MIGA1: variants seen among roughly 807,000 people sequenced by gnomAD.
The protein encoded by MIGA1 is mitoguardin 1, also known as family with sequence similarity 73, member A.
MIGA1 carries 58 observed loss-of-function variants against 82.0 expected under a neutral mutation model. That is an observed-to-expected ratio of 0.71 (90% CI 0.57 to 0.88). The LOEUF (loss-of-function observed/expected upper bound fraction) is 0.88. Among genes scored for constraint, MIGA1 ranks in the 40% least tolerant of loss-of-function variants. MIGA1 has a pLI of 0.00. For synonymous variants in MIGA1, 249 were observed against 253.6 expected, an observed-to-expected ratio of 0.98 and a Z score of 0.17; for missense variants, 751 against 749.1, an observed-to-expected ratio of 1.00 and a Z score of -0.03.
intron 14 of MIGA1, among the ~76,000 whole-genome samples, chr1:77,872,202 C>T (rs1392151413): frequency 2.0e-5 from 3 of 151,948 alleles, no homozygotes; most frequent in Non-Finnish European, 4.4e-5. Flanking sequence ...TCCTAAGGGT[C>T]AAGTGATCCA....
intron 5 of MIGA1, chr1:77,811,477 A>G: frequency 1.1e-5 from 17 of 1,538,428 alleles, no homozygotes; most frequent in Non-Finnish European, 1.5e-5. Flanking sequence ...ATTATATGTA[A>G]GAATATTCTT....
intron 5 of MIGA1, chr1:77,811,777 G>A (rs1488135070): frequency 7.6e-6 from 12 of 1,579,564 alleles, no homozygotes; most frequent in East Asian, 4.6e-5. Flanking sequence ...GGTCACCTCC[G>A]ACATGGCCGG....
chr1:77,811,814 A>G, intron 5 of MIGA1: 2 of 1,510,102 alleles, frequency 1.3e-6, no homozygotes. Flanking sequence ...TCCCGCCCCT[A>G]CCCCAGCAAG....
chr1:77,821,871 A>G (rs1211257014), intron 7 of MIGA1, among the ~76,000 whole-genome samples: 1 of 152,222 alleles, frequency 6.6e-6, no homozygotes, highest in Non-Finnish European at 1.5e-5. Flanking sequence ...TGACACTGTC[A>G]AATTTCCTTA....
intron 7 of MIGA1, among the ~76,000 whole-genome samples, chr1:77,825,006 T>TTG (rs1408189457): frequency 6.8e-6 from 1 of 147,802 alleles, no homozygotes. Flanking sequence ...TTTTTTTTTT[T>TTG]GAGATAGGGC....
intron 8 of MIGA1, chr1:77,847,925 G>A: frequency 7.1e-7 from 1 of 1,410,712 alleles, no homozygotes; most frequent in Admixed American, 1.8e-5. Flanking sequence ...AGAAACTAGA[G>A]TGAACTGCAG....
Position 77,875,214 on chromosome 1 carries a change from T to G in MIGA1, c.*150T>G. 1 of 634,744 alleles carries G rather than the reference T, an allele frequency of 1.6e-6. No homozygotes were observed. The highest frequency in any genetic ancestry group is 2.8e-5 in the East Asian group (1 of 35,932). 39.3% of individuals were successfully genotyped at this position (634,744 alleles called of 1,614,324 possible). On this transcript the variant is annotated 3_prime_UTR_variant, in exon 16 of 16. Coordinates refer to ENST00000370791, the MANE Select transcript of MIGA1 (RefSeq NM_198549.4). ...TACTAAAAAATGAGCAACTGTACTGTATTTATACAGAAGTTCTGTCATTGA... is the reference window on the plus strand; with the variant it reads ...TACTAAAAAATGAGCAACTGTACTGGATTTATACAGAAGTTCTGTCATTGA...
At chr1:77,866,481 GC>G (rs1181493285) in intron 14 of MIGA1, 90 bp downstream of exon 14, 2 of 1,218,814 alleles carry the variant, frequency 1.6e-6, no homozygotes, top group African/African-American at 3.0e-5. Flanking sequence ...GTGGGAATTG[GC>G]AGCTGTAGGA....
intron 2 of MIGA1, among the ~76,000 whole-genome samples, chr1:77,797,781 GT>G (rs1281887628): frequency 2.0e-5 from 3 of 152,092 alleles, no homozygotes; most frequent in African/African-American, 4.8e-5. Context: ...CAGAAATACA[GT>G]TGATATTGTA....
intron 3 of MIGA1, among the ~76,000 whole-genome samples, chr1:77,802,067 T>G (rs778943088): frequency 1.3e-5 from 2 of 152,208 alleles, no homozygotes; most frequent in Non-Finnish European, 2.9e-5. Flanking sequence ...AGTAAGTTGC[T>G]GTCTTTTAAA....
At chr1:77,797,087 G>A (rs1260083185) in intron 2 of MIGA1, among the ~76,000 whole-genome samples, 2 of 152,156 alleles carry the variant, frequency 1.3e-5, no homozygotes, top group African/African-American at 4.8e-5. Flanking sequence ...TTACCATAAT[G>A]CATTTGAAAT....
At chr1:77,815,053 T>G (rs1570951803) in intron 6 of MIGA1, 55 bp from the exon 7 acceptor site, 1 of 1,250,586 alleles carries the variant, frequency 8.0e-7, no homozygotes, top group East Asian at 2.8e-5. Flanking sequence ...GAAAAATATT[T>G]AGAATTTTAA....
At chr1:77,817,073 C>T (rs1460776961) in intron 7 of MIGA1, among the ~76,000 whole-genome samples, 1 of 152,090 alleles carries the variant, frequency 6.6e-6, no homozygotes, top group African/African-American at 2.4e-5. Context: ...ATGTGTAGTT[C>T]TTGTTCCTTT....
At chr1:77,792,550 T>G (rs955657528) in intron 2 of MIGA1, among the ~76,000 whole-genome samples, 3 of 152,310 alleles carry the variant, frequency 2.0e-5, no homozygotes, top group Admixed American at 6.5e-5. Flanking sequence ...GGTTACATCT[T>G]AAGACTAGAG....
intron 7 of MIGA1, among the ~76,000 whole-genome samples, chr1:77,828,695 C>T (rs1684122964): frequency 6.6e-6 from 1 of 152,120 alleles, no homozygotes; most frequent in South Asian, 2.1e-4. Context: ...AAATTTGAAG[C>T]AGGGTCTCAC....
At chr1:77,862,461 T>TA (rs939701514) in intron 12 of MIGA1, among the ~76,000 whole-genome samples, 1 of 147,120 alleles carries the variant, frequency 6.8e-6, no homozygotes, top group Non-Finnish European at 1.5e-5. Flanking sequence ...AATATATAGA[T>TA]ATAGATATCG....
intron 15 of MIGA1, 27 bp from the exon 16 acceptor site, chr1:77,874,819 A>G: frequency 6.4e-7 from 1 of 1,567,810 alleles, no homozygotes; most frequent in Non-Finnish European, 8.8e-7. Context: ...TTGGTCTAAT[A>G]AATGCCAATT....
chr1:77,834,932 A>T (rs1383270037), intron 7 of MIGA1, among the ~76,000 whole-genome samples: 1 of 152,254 alleles, frequency 6.6e-6, no homozygotes, highest in African/African-American at 2.4e-5. Flanking sequence ...GACAATTGGC[A>T]GGCTTCCTCT....
rs542300302 is a variant in MIGA1 at position 77,785,310 on chromosome 1, C to T, written c.195+1959C>T. Reference sequence around the variant, plus strand: ...GGCCAAAACAAAGGAGCTACAGGCCCCATGCAAGTTTGAAATCCAGCAGGG... The same window carrying T: ...GGCCAAAACAAAGGAGCTACAGGCCTCATGCAAGTTTGAAATCCAGCAGGG... On this transcript the variant is annotated intron_variant, in intron 2 of 15. Coordinates refer to ENST00000370791, the MANE Select transcript of MIGA1 (RefSeq NM_198549.4). Among the ~76,000 whole-genome samples, 9 of 152,146 alleles carry T rather than the reference C, an allele frequency of 5.9e-5. No homozygotes were observed. The South Asian group carries it at 8.3e-4, about 14-fold the overall frequency.
Sources: gnomAD v4.1 joint callset for allele counts (sites outside exome capture counted in the v4.1 genomes callset) on GRCh38, gnomAD v4.1.1 for gene constraint, MANE v1.5 for transcripts, NCBI Gene and HGNC (gene_info 2026-07-23, HGNC 2026-07-21) for gene names.